Variants in SLIT2 observed in about 807,000 individuals in gnomAD.
SLIT2 encodes the protein slit guidance ligand 2.
SLIT2 carries 41 observed loss-of-function variants against 185.7 expected under a neutral mutation model. That is an observed-to-expected ratio of 0.22 (90% CI 0.17 to 0.29). The LOEUF is 0.29. Among genes scored for constraint, SLIT2 ranks in the 10% least tolerant of loss-of-function variants. The pLI, the probability that SLIT2 is intolerant of heterozygous loss-of-function variation, is 1.00. For missense variants in SLIT2, 1,571 were observed against 1,909.0 expected, an observed-to-expected ratio of 0.82 and a Z score of 3.30; for synonymous variants, 693 against 680.2, an observed-to-expected ratio of 1.02 and a Z score of -0.29.
At chr4:20,435,472 A>G (rs1265949820) in intron 4 of SLIT2, among the ~76,000 whole-genome samples, 2 of 152,226 alleles carry the variant, frequency 1.3e-5, no homozygotes, top group Admixed American at 1.3e-4. Context: ...TGTTAAAAAA[A>G]CTGTAATTAA....
Position 20,584,252 on chromosome 4 carries a change from C to T in SLIT2, c.3089-5392C>T, listed in dbSNP as rs1726855943. ...GCAACCAGTCAACTCTCGTATATTG[C>T]ATACAACCGTAGAAGGCCATCCTAG... On this transcript the variant is annotated intron_variant, in intron 29 of 36. Transcript: ENST00000504154. 2.0e-5 allele frequency among the ~76,000 whole-genome samples: 3 copies of T among 152,304 alleles called. No homozygotes were observed. The South Asian group carries it at 6.2e-4, about 32-fold the overall frequency.
chr4:20,283,120 G>GTGCA, intron 4 of SLIT2, among the ~76,000 whole-genome samples: 1 of 149,958 alleles, frequency 6.7e-6, no homozygotes, highest in East Asian at 2.0e-4. Context: ...GTGCGCGCGC[G>GTGCA]CACACACACA....
chr4:20,510,369 T>C (rs930879008), intron 9 of SLIT2, 126 bp from the exon 10 acceptor site: 1 of 705,580 alleles, frequency 1.4e-6, no homozygotes, highest in African/African-American at 1.8e-5. Context: ...TACTTATTTT[T>C]CAGGAAAAAA....
chr4:20,561,126 G>A (rs1399536521), intron 26 of SLIT2, among the ~76,000 whole-genome samples: 1 of 151,812 alleles, frequency 6.6e-6, no homozygotes, highest in Non-Finnish European at 1.5e-5. Flanking sequence ...AAGAGGGGAG[G>A]AGGCCCAAAA....
intron 4 of SLIT2, among the ~76,000 whole-genome samples, chr4:20,381,155 A>AG (rs1329725443): frequency 6.6e-6 from 1 of 152,138 alleles, no homozygotes; most frequent in Non-Finnish European, 1.5e-5. Context: ...CGAGAGGCTG[A>AG]TGCAAGAGAA....
chr4:20,568,288 CTT>C (rs1280170675), intron 28 of SLIT2, among the ~76,000 whole-genome samples: 3 of 152,054 alleles, frequency 2.0e-5, no homozygotes, highest in Non-Finnish European at 4.4e-5. Flanking sequence ...TTCATCTAGA[CTT>C]TACTCAAAAA....
chr4:20,381,184 C>T (rs1323794058), intron 4 of SLIT2, among the ~76,000 whole-genome samples: 1 of 151,904 alleles, frequency 6.6e-6, no homozygotes, highest in Non-Finnish European at 1.5e-5. Context: ...ACCCGGGATT[C>T]GGAGGTTGCA....
At chr4:20,429,487 T>C (rs1213271595) in intron 4 of SLIT2, among the ~76,000 whole-genome samples, 1 of 152,212 alleles carries the variant, frequency 6.6e-6, no homozygotes, top group Non-Finnish European at 1.5e-5. Flanking sequence ...TTCTTGGCTC[T>C]TAACATTTGA....
At chr4:20,543,588 T>G (rs191148281) in intron 21 of SLIT2, among the ~76,000 whole-genome samples, 1 of 152,344 alleles carries the variant, frequency 6.6e-6, no homozygotes, top group African/African-American at 2.4e-5. Context: ...CACACACATA[T>G]TCCAAATGAG....
intron 4 of SLIT2, among the ~76,000 whole-genome samples, chr4:20,305,980 A>G (rs1383632584): frequency 6.6e-6 from 1 of 151,562 alleles, no homozygotes; most frequent in African/African-American, 2.4e-5. Context: ...TAGATTTTCA[A>G]AGCTGTAAGT....
rs1715475714 is a variant in SLIT2, at chr4:20,472,495, T to TATATCTATATAGATATATATATAGAG, written c.467+4676_467+4677insCTATATAGATATATATATAGAGATAT. Among the ~76,000 whole-genome samples, 2 of 14,110 alleles carry TATATCTATATAGATATATATATAGAG rather than the reference T, an allele frequency of 1.4e-4. 1 individual carries two copies. Among genetic ancestry groups the TATATCTATATAGATATATATATAGAG allele is most frequent in the Non-Finnish European group, 2.1e-4 (2 of 9,382 alleles). 9.3% of individuals were successfully genotyped at this position (14,110 alleles called of 152,430 possible). A position where few individuals can be genotyped will look rare whatever the true frequency, so the allele number is the denominator to read the frequency against. ...ATATAGATATATATCTATATATAGA[T>TATATCTATATAGATATATATATAGAG]ATATATCTATATATAGATAGATATA... On this transcript the variant is annotated intron_variant, in intron 5 of 36. Coordinates refer to ENST00000504154, the MANE Select transcript of SLIT2 (RefSeq NM_004787.4).
intron 4 of SLIT2, among the ~76,000 whole-genome samples, chr4:20,412,049 A>G (rs982399664): frequency 2.6e-5 from 4 of 152,156 alleles, no homozygotes; most frequent in Admixed American, 6.6e-5. Flanking sequence ...TATTTTGGAT[A>G]TGGGCTTTGG....
At chr4:20,616,886 C>T in intron 34 of SLIT2, 24 bp from the exon 35 acceptor site, 2 of 1,570,462 alleles carry the variant, frequency 1.3e-6, no homozygotes, top group Non-Finnish European at 1.7e-6. Context: ...AGAGCCTGAC[C>T]TCTGACCTGG....
chr4:20,609,367 A>G (rs899415435), intron 33 of SLIT2, among the ~76,000 whole-genome samples: 4 of 152,204 alleles, frequency 2.6e-5, no homozygotes, highest in South Asian at 2.1e-4. Context: ...TATGTTAAGC[A>G]TTTTATTTAA....
At chr4:20,511,717 C>T (rs567179776) in intron 11 of SLIT2, among the ~76,000 whole-genome samples, 7 of 151,068 alleles carry the variant, frequency 4.6e-5, no homozygotes, top group South Asian at 2.1e-4. Context: ...CATGAGCCAC[C>T]GTGCCCGGCC....
chr4:20,487,613 C>T (rs1191246771), intron 7 of SLIT2, among the ~76,000 whole-genome samples: 1 of 152,072 alleles, frequency 6.6e-6, no homozygotes, highest in East Asian at 1.9e-4. Flanking sequence ...ATGGAATGTG[C>T]CTCTGTGGCT....
At chr4:20,498,083 G>T (rs1375175548) in intron 9 of SLIT2, among the ~76,000 whole-genome samples, 1 of 152,192 alleles carries the variant, frequency 6.6e-6, no homozygotes, top group Non-Finnish European at 1.5e-5. Flanking sequence ...TGAGGCAGGA[G>T]AATTGCTTGA....
In SLIT2 at chr4:20,372,498, T is replaced by C. The variant is rs562057799; in HGVS notation, c.396-95254T>C. Among the ~76,000 whole-genome samples the C allele has an allele frequency of 5.7e-4, 87 of 152,222 alleles. No homozygotes were observed. The South Asian group carries it at 0.015, about 25-fold the overall frequency. ...GATTTTATATTATCTATTGTTAATT[T>C]TCTAATTTCCAAAATTAACTTTGTC... On this transcript the variant is annotated intron_variant, in intron 4 of 36. Coordinates refer to ENST00000504154, the MANE Select transcript of SLIT2 (RefSeq NM_004787.4).
chr4:20,602,082 G>C (rs1728453771), intron 33 of SLIT2, among the ~76,000 whole-genome samples: 1 of 151,920 alleles, frequency 6.6e-6, no homozygotes, highest in Non-Finnish European at 1.5e-5. Context: ...GGGTATTTTT[G>C]GTTAAAATTT....
Sources: gnomAD v4.1 joint callset for allele counts (sites outside exome capture counted in the v4.1 genomes callset) on GRCh38, gnomAD v4.1.1 for gene constraint, MANE v1.5 for transcripts, NCBI Gene and HGNC (gene_info 2026-07-23, HGNC 2026-07-21) for gene names.